ARVCF: variants seen among roughly 807,000 people sequenced by gnomAD.
The protein encoded by ARVCF is ARVCF delta catenin family member.
ARVCF carries 66 observed loss-of-function variants against 90.9 expected under a neutral mutation model. The ratio of observed to expected loss-of-function variants is 0.73; its 90% confidence interval spans 0.60 to 0.89. The LOEUF is 0.89. Among genes scored for constraint, ARVCF ranks in the 40% least tolerant of loss-of-function variants. The pLI, the probability that ARVCF is intolerant of heterozygous loss-of-function variation, is 0.00. For missense variants in ARVCF, 1,469 were observed against 1,382.3 expected (o/e 1.06, Z -1.00); for synonymous variants, 653 against 603.4 (o/e 1.08, Z -1.21).
chr22:19,972,894 G>T (rs771734484), intron 15 of ARVCF, 31 bp downstream of exon 15: 1 of 1,613,718 alleles, frequency 6.2e-7, no homozygotes, highest in Non-Finnish European at 8.5e-7. Context: ...AAAGTGAGCA[G>T]GGAATGGAAG....
At position 19,973,168 on chromosome 22, in the gene ARVCF, G is replaced by GT; in HGVS notation, c.2388_2389insA (p.Leu797ThrfsTer64). 1 of 1,610,606 alleles carries GT rather than the reference G, an allele frequency of 6.2e-7. No homozygotes were observed. Among genetic ancestry groups the GT allele is most frequent in the Non-Finnish European group, 8.5e-7 (1 of 1,179,134 alleles). On this transcript the variant is annotated frameshift_variant, in exon 14 of 20. Transcript: ENST00000263207. LOFTEE classifies it high-confidence loss of function. ...GCTGGCACCCCGCGTGCCTGCAGGA[G>GT]CGAGCGCGCGTTATCCAGGCTGTCG...
downstream of ARVCF, chr22:19,967,144 T>C: frequency 7.7e-7 from 1 of 1,299,612 alleles, no homozygotes; most frequent in Non-Finnish European, 1.0e-6. Flanking sequence ...CCCTCCTTCT[T>C]TCCTGTTTAA....
chr22:19,976,029 C>G (rs1943136003), intron 10 of ARVCF, among the ~76,000 whole-genome samples: 1 of 152,126 alleles, frequency 6.6e-6, no homozygotes, highest in African/African-American at 2.4e-5. Context: ...CACAGACCCT[C>G]CCGGTGGCTC....
At position 19,990,759 on chromosome 22, in the gene ARVCF, G is replaced by A; in HGVS notation, c.36C>T (p.Ile12=). Residue 12 remains isoleucine, a synonymous_variant, in exon 3 of 20, where the codon ATC becomes ATT. Transcript: ENST00000263207. ...CCTCCTGCTCCTTCACCGAGGCCAG[G>A]ATGCTGGCGGCCGAGTGCACATTGC... is the stretch of plus-strand genomic sequence containing the variant. ...EDCNVHSAAS[I]LASVKEQEAR... The A allele has an allele frequency of 1.9e-6, 3 of 1,583,780 alleles. No homozygotes were observed. The highest frequency in any genetic ancestry group is 2.6e-6 in the Non-Finnish European group (3 of 1,164,312).
In ARVCF at chr22:19,979,720, G is replaced by C. The variant is rs775296887; in HGVS notation, c.1396+23C>G. The C allele has an allele frequency of 1.9e-6, 3 of 1,575,654 alleles. No homozygotes were observed. The Middle Eastern group carries it at 5.1e-4, about 266-fold the overall frequency. ...ACACTCTTCTCTTCCCAGGGGATGT[G>C]AGCATGGCCAGGTCCCACTCACCAG... On this transcript the variant is annotated intron_variant, in intron 6 of 19. Transcript: ENST00000263207.
intron 1 of ARVCF, 141 bp downstream of exon 1, chr22:20,016,448 C>T (rs1259979432): frequency 6.6e-6 from 1 of 152,142 alleles, no homozygotes; most frequent in African/African-American, 2.4e-5. Flanking sequence ...GACCCTCGCC[C>T]GGATCTCGAC....
At chr22:19,999,684 C>T (rs183985153) in intron 2 of ARVCF, among the ~76,000 whole-genome samples, 1 of 152,238 alleles carries the variant, frequency 6.6e-6, no homozygotes, top group African/African-American at 2.4e-5. Context: ...TCTGGGCTGA[C>T]CGCAAGGGAT....
At position 19,970,477 on chromosome 22, in the gene ARVCF, A is replaced by G; in HGVS notation, c.*279T>C. The G allele has an allele frequency of 1.9e-6, 2 of 1,057,542 alleles. No homozygotes were observed. Among genetic ancestry groups the G allele is most frequent in the Non-Finnish European group, 2.3e-6 (2 of 871,444 alleles). 65.5% of individuals were successfully genotyped at this position (1,057,542 alleles called of 1,614,324 possible). A position where few individuals can be genotyped will look rare whatever the true frequency, so the allele number is the denominator to read the frequency against. Reference sequence around the variant, plus strand: ...CTGCCACCTCCCTGGGCCCTGCCCCAGCAGCCCAGTCGGCCTCCTCGGGCC... The same window carrying G: ...CTGCCACCTCCCTGGGCCCTGCCCCGGCAGCCCAGTCGGCCTCCTCGGGCC... On this transcript the variant is annotated 3_prime_UTR_variant, in exon 20 of 20. Transcript: ENST00000263207.
At chr22:20,009,380 G>A (rs766939379) in intron 2 of ARVCF, among the ~76,000 whole-genome samples, 6 of 152,308 alleles carry the variant, frequency 3.9e-5, no homozygotes, top group Non-Finnish European at 8.8e-5. Flanking sequence ...CCTCCCATCT[G>A]CCCTAGATCC....
chr22:19,973,897 G>A (rs956025773), intron 12 of ARVCF, 104 bp from the exon 13 acceptor site: 28 of 1,507,620 alleles, frequency 1.9e-5, no homozygotes, highest in African/African-American at 9.6e-5. Context: ...TCCCGTGCCC[G>A]ACAAAGCCCT....
chr22:19,978,640 G>C (rs539941939), intron 7 of ARVCF, among the ~76,000 whole-genome samples: 2 of 152,162 alleles, frequency 1.3e-5, no homozygotes, highest in African/African-American at 4.8e-5. Flanking sequence ...CAAGTGATGG[G>C]AAGGTAGGTG....
intron 2 of ARVCF, among the ~76,000 whole-genome samples, chr22:20,002,384 C>T (rs1441864795): frequency 6.6e-6 from 1 of 152,214 alleles, no homozygotes; most frequent in Non-Finnish European, 1.5e-5. Flanking sequence ...AAATGTCAGC[C>T]TCAACACGCT....
At chr22:19,977,892 G>C (rs1030919893) in intron 8 of ARVCF, 66 bp downstream of exon 8, 7 of 1,505,526 alleles carry the variant, frequency 4.6e-6, no homozygotes, top group Middle Eastern at 1.9e-4. Context: ...CACAGTTCCA[G>C]CCTCCTGGGA....
intron 3 of ARVCF, among the ~76,000 whole-genome samples, chr22:19,983,020 C>T (rs1453676324): frequency 1.3e-5 from 2 of 152,236 alleles, no homozygotes; most frequent in Non-Finnish European, 2.9e-5. Flanking sequence ...CACATCAGAG[C>T]CAGGCCCAAC....
At chr22:19,999,907 C>T (rs1944385672) in intron 2 of ARVCF, among the ~76,000 whole-genome samples, 1 of 152,164 alleles carries the variant, frequency 6.6e-6, no homozygotes, top group Non-Finnish European at 1.5e-5. Context: ...GGACCCTCCC[C>T]TGACCTTCTA....
At chr22:20,011,034 G>T (rs566216404) in intron 1 of ARVCF, among the ~76,000 whole-genome samples, 221 of 152,362 alleles carry the variant, frequency 1.5e-3, no homozygotes, top group African/African-American at 4.8e-3. Context: ...GTACAGGGAG[G>T]GCGGGGAAGC....
intron 2 of ARVCF, among the ~76,000 whole-genome samples, chr22:20,002,863 T>C (rs1944493954): frequency 6.6e-6 from 1 of 152,196 alleles, no homozygotes. Context: ...CAGTTGTCTG[T>C]AGCAGTCCTC....
intron 2 of ARVCF, among the ~76,000 whole-genome samples, chr22:19,993,371 C>A (rs1944101798): frequency 6.6e-6 from 1 of 152,220 alleles, no homozygotes. Flanking sequence ...TTTTTATATT[C>A]AAGTAATAAA....
At chr22:20,013,337 C>A (rs946489270) in intron 1 of ARVCF, among the ~76,000 whole-genome samples, 2 of 152,358 alleles carry the variant, frequency 1.3e-5, no homozygotes, top group South Asian at 4.1e-4. Flanking sequence ...TACGCAGGCA[C>A]AGGGCTAGTC....
Sources: gnomAD v4.1 joint callset for allele counts (sites outside exome capture counted in the v4.1 genomes callset) on GRCh38, gnomAD v4.1.1 for gene constraint, MANE v1.5 for transcripts, NCBI Gene and HGNC (gene_info 2026-07-23, HGNC 2026-07-21) for gene names.